Variants in CERS5 observed in about 807,000 individuals in gnomAD.
CERS5 encodes the protein LAG1 homolog, ceramide synthase 5.
A neutral mutation model predicts 58.9 loss-of-function variants in CERS5; 37 were observed. That is an observed-to-expected ratio of 0.63 (90% CI 0.48 to 0.83). CERS5 has a LOEUF of 0.83. Among genes scored for constraint, CERS5 ranks in the 40% least tolerant of loss-of-function variants. The pLI, the probability that CERS5 is intolerant of heterozygous loss-of-function variation, is 0.00. For missense variants in CERS5, 398 were observed against 489.3 expected (o/e 0.81, Z 1.76); for synonymous variants, 147 against 177.8 (o/e 0.83, Z 1.38).
intron 1 of CERS5, among the ~76,000 whole-genome samples, chr12:50,156,833 G>C (rs929943117): frequency 9.2e-5 from 14 of 152,286 alleles, no homozygotes; most frequent in African/African-American, 3.4e-4. Context: ...GACTGATTGA[G>C]GCCAGGAGGT....
chr12:50,153,901 C>A lies in CERS5; in HGVS notation c.198-9844G>T, dbSNP rs755490693. 1.5e-5 allele frequency: 6 copies of A among 396,584 alleles called. No individual in the cohort carries two copies. In the East Asian group the frequency reaches 4.0e-4, roughly 26 times the overall value. 24.6% of individuals were successfully genotyped at this position (396,584 alleles called of 1,614,324 possible). On this transcript the variant is annotated intron_variant, in intron 1 of 9. Transcript: ENST00000317551. ...CCTGGGAGGCAGAGGTTGCAGTGAG[C>A]TGTGACTGCACCATTGGACTCCAGC...
chr12:50,143,756 C>T (rs150204082), intron 2 of CERS5, 196 bp downstream of exon 2: 97 of 511,296 alleles, frequency 1.9e-4, no homozygotes, highest in Non-Finnish European at 3.2e-4. Flanking sequence ...CTACTACGTA[C>T]GTAAACTTGA....
intron 9 of CERS5, chr12:50,133,209 C>T (rs1951432694): frequency 3.4e-6 from 4 of 1,169,268 alleles, no homozygotes; most frequent in Non-Finnish European, 3.2e-6. Context: ...CACATTCCAT[C>T]ACTTGGTCCT....
chr12:50,160,699 CAA>C (rs1301980289), intron 1 of CERS5, among the ~76,000 whole-genome samples: 1 of 152,182 alleles, frequency 6.6e-6, no homozygotes, highest in Non-Finnish European at 1.5e-5. Context: ...GCTCAAGGGA[CAA>C]AATACTAAGT....
chr12:50,161,784 G>GAATAAAAAAAAAAAAAAAAAAA (rs1939294125), intron 1 of CERS5, among the ~76,000 whole-genome samples: 1 of 90,862 alleles, frequency 1.1e-5, no homozygotes, highest in African/African-American at 4.6e-5. Flanking sequence ...CTCAAAAAAA[G>GAATAAAAAAAAAAAAAAAAAAA]AAAAAAAAAA....
chr12:50,160,763 A>G (rs1939194563), intron 1 of CERS5, among the ~76,000 whole-genome samples: 1 of 152,218 alleles, frequency 6.6e-6, no homozygotes, highest in African/African-American at 2.4e-5. Flanking sequence ...CAAGAGGCCT[A>G]CTTGGACTTG....
chr12:50,167,290 G>T lies in CERS5; in HGVS notation c.8C>A (p.Thr3Lys). The change falls in exon 1 of 10, where the codon ACA (threonine) becomes AAA (lysine). Residue 3 changes from threonine (T) to lysine (K), a missense_variant. By Grantham distance (78) the Thr-to-Lys change is moderately conservative. Around this residue, in one of 3 missense-constraint regions of CERS5, gnomAD observed 328 missense variants for 384.5 expected, o/e 0.85. Transcript: ENST00000317551. ...CAAGCTTAGGGGTCCCTGCGCTGCT[G>T]TCGCCATCTTACGCCCACCCCGAAG... MA[T>K]AAQGPLSLLW... The T allele has an allele frequency of 6.5e-7, 1 of 1,528,774 alleles. No individual in the cohort carries two copies. The highest frequency in any genetic ancestry group is 8.7e-7 in the Non-Finnish European group (1 of 1,146,284). 94.7% of individuals were successfully genotyped at this position (1,528,774 alleles called of 1,614,324 possible). A position where few individuals can be genotyped will look rare whatever the true frequency, so the allele number is the denominator to read the frequency against.
intron 9 of CERS5, among the ~76,000 whole-genome samples, chr12:50,131,558 C>CAAAAAAAAAAAAAA (rs752634104): frequency 1.4e-5 from 1 of 69,826 alleles, no homozygotes; most frequent in Non-Finnish European, 2.7e-5. Context: ...GACTCCATCT[C>CAAAAAAAAAAAAAA]AAAAAAAAAA....
At chr12:50,131,734 T>C (rs1406666668) in intron 9 of CERS5, among the ~76,000 whole-genome samples, 1 of 152,140 alleles carries the variant, frequency 6.6e-6, no homozygotes, top group African/African-American at 2.4e-5. Flanking sequence ...TATTTTCAAA[T>C]GAAGCATTTG....
intron 1 of CERS5, chr12:50,165,484 G>A (rs1939786498): frequency 1.3e-5 from 2 of 151,626 alleles, no homozygotes; most frequent in Admixed American, 6.6e-5. Flanking sequence ...TGAGGGCCAA[G>A]GAAAGCCATT....
chr12:50,156,858 C>T (rs1406097671), intron 1 of CERS5, among the ~76,000 whole-genome samples: 2 of 152,168 alleles, frequency 1.3e-5, no homozygotes, highest in Non-Finnish European at 1.5e-5. Flanking sequence ...GCTGTAGTGA[C>T]ATCAGCCCTG....
rs1458589577 is a variant in CERS5, at chr12:50,167,317, CACCGCCGCCACAAGCGTCA to C, written c.-39_-21del. On this transcript the variant is annotated 5_prime_UTR_variant, in exon 1 of 10. Coordinates refer to ENST00000317551, the MANE Select transcript of CERS5 (RefSeq NM_147190.5). ...CGCCATCTTACGCCCACCCCGAAGC[CACCGCCGCCACAAGCGTCA>C]GCTGCCGCCACAGCCAACGGAACCC... is the stretch of plus-strand genomic sequence containing the variant. The C allele has an allele frequency of 4.1e-6, 6 of 1,464,890 alleles. No homozygotes were observed. Among genetic ancestry groups the C allele is most frequent in the Non-Finnish European group, 5.4e-6 (6 of 1,115,750 alleles). 90.7% of individuals were successfully genotyped at this position (1,464,890 alleles called of 1,614,324 possible).
intron 1 of CERS5, among the ~76,000 whole-genome samples, chr12:50,150,565 T>C (rs1331246684): frequency 6.6e-6 from 1 of 152,102 alleles, no homozygotes; most frequent in Non-Finnish European, 1.5e-5. Flanking sequence ...ATGTAAGTGA[T>C]AGCTAAATTT....
At chr12:50,145,144 AAAAAAAAAAAAAAG>A (rs1450897088) in intron 1 of CERS5, 1 of 149,964 alleles carries the variant, frequency 6.7e-6, no homozygotes, top group East Asian at 1.9e-4. Flanking sequence ...TCTCAAAAAA[AAAAAAAAAAAAAAG>A]AAGAAGAATA....
At position 50,143,058 on chromosome 12, in the gene CERS5, C is replaced by T. The variant is rs754268188; in HGVS notation, c.434+16G>A. The T allele has an allele frequency of 6.3e-7, 1 of 1,590,542 alleles. No homozygotes were observed. The highest frequency in any genetic ancestry group is 1.1e-5 in the South Asian group (1 of 88,142). ...ACCGTCTTCCTTATTCCCTCCCTCC[C>T]TCCTTGCGTACTTACATGCTTTCAC... On this transcript the variant is annotated intron_variant, in intron 3 of 9. Transcript: ENST00000317551.
chr12:50,164,356 G>A (rs988471522), intron 1 of CERS5, among the ~76,000 whole-genome samples: 1 of 151,580 alleles, frequency 6.6e-6, no homozygotes, highest in Non-Finnish European at 1.5e-5. Context: ...GATTGCTTGA[G>A]CCAAAGAGGT....
intron 4 of CERS5, among the ~76,000 whole-genome samples, chr12:50,140,811 G>C (rs1951931205): frequency 6.8e-6 from 1 of 147,388 alleles, no homozygotes; most frequent in Non-Finnish European, 1.5e-5. Flanking sequence ...GGTTGATCAT[G>C]TCATTCATAT....
At position 50,134,647 on chromosome 12, in the gene CERS5, A is replaced by T; in HGVS notation, c.928T>A (p.Trp310Arg). The change falls in exon 9 of 10, where the codon TGG becomes AGG. Residue 310 changes from tryptophan (W) to arginine (R), a missense_variant. Trp to Arg is a moderately radical substitution (Grantham distance 101, BLOSUM62 -3). Coordinates refer to ENST00000317551, the MANE Select transcript of CERS5 (RefSeq NM_147190.5). Reference sequence around the variant, plus strand: ...AGCAGCAGGCCATTGAGGAGCCACCATGAAGCATAAGGCCCGATTATCTCC... The same window carrying T: ...AGCAGCAGGCCATTGAGGAGCCACCTTGAAGCATAAGGCCCGATTATCTCC... ...SWEIIGPYAS[W>R]WLLNGLLLTL... is the part of the protein sequence containing the mutation. The T allele has an allele frequency of 6.2e-7, 1 of 1,614,202 alleles. No homozygotes were observed. Among genetic ancestry groups the T allele is most frequent in the South Asian group, 1.1e-5 (1 of 91,082 alleles).
rs769283988 is a variant in CERS5 at position 50,137,749 on chromosome 12, C to G, written c.615G>C (p.Gln205His). Reference protein sequence around the residue: ...LAFYWSLMFSQFTDIKRKDFL... With the variant: ...LAFYWSLMFSHFTDIKRKDFL... ...TTACCTTTCTTTTAATGTCTGTAAACTGAGAAAACATAAGGGACCAATAGA... is the reference window on the plus strand; with the variant it reads ...TTACCTTTCTTTTAATGTCTGTAAAGTGAGAAAACATAAGGGACCAATAGA... The change falls in exon 6 of 10, where the codon CAG (glutamine) becomes CAC (histidine). Residue 205 changes from glutamine (Q) to histidine (H), a missense_variant. Physicochemically the swap from Gln to His is conservative, Grantham distance 24. Transcript: ENST00000317551. The G allele has an allele frequency of 9.3e-6, 15 of 1,604,512 alleles. No homozygotes were observed. The East Asian group carries it at 3.4e-4, about 36-fold the overall frequency.
Sources: gnomAD v4.1 joint callset for allele counts (sites outside exome capture counted in the v4.1 genomes callset) on GRCh38, gnomAD v4.1.1 for gene constraint, gnomAD v4.1.1 regional missense constraint, MANE v1.5 for transcripts, NCBI Gene and HGNC (gene_info 2026-07-23, HGNC 2026-07-21) for gene names.